The following DMD variants were observed in gnomAD, a reference collection of about 807,000 sequenced individuals.
The protein encoded by DMD is dystrophin.
DMD carries 63 observed loss-of-function variants against 330.1 expected under a neutral mutation model. The observed-to-expected ratio is 0.19, with a 90% CI of 0.16 to 0.24. The LOEUF is 0.24. Ranked by LOEUF, DMD falls within the 10% of genes least tolerant of loss-of-function variation. DMD has a pLI of 1.00. For synonymous variants in DMD, 1,223 were observed against 959.8 expected, an observed-to-expected ratio of 1.27 and a Z score of -5.07; for missense variants, 3,344 against 2,684.1, an observed-to-expected ratio of 1.25 and a Z score of -5.43.
chrX:32,279,748 T>C (rs1435469951), intron 43 of DMD, among the ~76,000 whole-genome samples: 2 of 109,625 alleles, frequency 1.8e-5, no homozygotes, highest in Non-Finnish European at 3.8e-5. Context: ...CCACCTACTA[T>C]TTGCTAGCAC....
At chrX:32,330,776 G>C (rs1368589639) in intron 41 of DMD, among the ~76,000 whole-genome samples, 1 of 111,101 alleles carries the variant, frequency 9.0e-6, no homozygotes, top group South Asian at 3.7e-4. Flanking sequence ...TTTATTCAAT[G>C]AAAGAAATAC....
chrX:32,815,607 G>A (rs1025938980), intron 6 of DMD, among the ~76,000 whole-genome samples: 10 of 106,394 alleles, frequency 9.4e-5, no homozygotes, highest in Non-Finnish European at 1.9e-4. Context: ...ATCTCTAAGT[G>A]TATGTGTACA....
At chrX:33,335,914 C>T (rs192295756) in intron 1 of DMD, among the ~76,000 whole-genome samples, 19 of 111,038 alleles carry the variant, frequency 1.7e-4, no homozygotes, top group Admixed American at 1.3e-3. Flanking sequence ...ATATGGGCAT[C>T]ATAAAAATCT....
intron 1 of DMD, among the ~76,000 whole-genome samples, chrX:33,093,854 A>G (rs1368995456): frequency 9.0e-6 from 1 of 111,563 alleles, no homozygotes; most frequent in Non-Finnish European, 1.9e-5. Context: ...ATATATAGAT[A>G]TAAAATAAAG....
chrX:31,514,730 A>C (rs915456113), intron 55 of DMD, among the ~76,000 whole-genome samples: 2 of 112,603 alleles, frequency 1.8e-5, no homozygotes, highest in Middle Eastern at 4.2e-3. Context: ...TGTGGAAATC[A>C]GATGTTAGAA....
chrX:31,993,137 A>G (rs758218956), intron 44 of DMD, among the ~76,000 whole-genome samples: 6 of 111,560 alleles, frequency 5.4e-5, no homozygotes, highest in Non-Finnish European at 1.1e-4. Context: ...TCAAAATTTA[A>G]TATGGTACAG....
chrX:32,818,900 T>G (rs1387994178), intron 5 of DMD, among the ~76,000 whole-genome samples: 1 of 110,694 alleles, frequency 9.0e-6, no homozygotes, highest in Non-Finnish European at 1.9e-5. Flanking sequence ...GGGGTCATCC[T>G]AGCTGCAAGT....
intron 2 of DMD, among the ~76,000 whole-genome samples, chrX:32,892,723 C>T (rs2085334396): frequency 8.9e-6 from 1 of 111,846 alleles, no homozygotes; most frequent in Admixed American, 9.5e-5. Flanking sequence ...TAACATTACA[C>T]ACCAAGTATT....
chrX:31,972,052 A>C (rs1296852608), intron 44 of DMD, among the ~76,000 whole-genome samples: 1 of 111,811 alleles, frequency 8.9e-6, no homozygotes, highest in Non-Finnish European at 1.9e-5. Context: ...AAAAGCCCAG[A>C]ATTCCATTCT....
At chrX:31,858,543 C>T (rs2093652278) in intron 48 of DMD, among the ~76,000 whole-genome samples, 1 of 108,752 alleles carries the variant, frequency 9.2e-6, no homozygotes, top group African/African-American at 3.3e-5. Flanking sequence ...AGTGAAATAG[C>T]TTTATTTAAA....
Position 32,145,914 on chromosome X carries a change from G to A in DMD, c.6438+71002C>T, listed in dbSNP as rs752600540. ...TAGGATTATAGGAGCAAGACGTCAAGATATTTATTAACCATACTAATTTTT... is the reference window on the plus strand; with the variant it reads ...TAGGATTATAGGAGCAAGACGTCAAAATATTTATTAACCATACTAATTTTT... On this transcript the variant is annotated intron_variant, in intron 44 of 78. Transcript: ENST00000357033. Among the ~76,000 whole-genome samples, 3 of 111,902 alleles carry A rather than the reference G, an allele frequency of 2.7e-5. No homozygotes were observed. In the South Asian group the frequency reaches 1.1e-3, roughly 41 times the overall value.
chrX:31,728,658 C>G (rs1002511211), intron 52 of DMD, among the ~76,000 whole-genome samples: 1 of 111,661 alleles, frequency 9.0e-6, no homozygotes, highest in African/African-American at 3.3e-5. Context: ...TATAGACTCT[C>G]ATGGTTTCCG....
intron 43 of DMD, among the ~76,000 whole-genome samples, chrX:32,280,175 A>G (rs1258786180): frequency 1.1e-4 from 3 of 27,865 alleles, no homozygotes; most frequent in African/African-American, 2.4e-4. Flanking sequence ...GTATATATAT[A>G]TATATATATA....
chrX:32,771,221 G>C (rs1177487179), intron 7 of DMD, among the ~76,000 whole-genome samples: 1 of 111,567 alleles, frequency 9.0e-6, no homozygotes, highest in Non-Finnish European at 1.9e-5. Flanking sequence ...CAAATCTTTT[G>C]GACTACATCT....
chrX:31,350,624 TGTGTGTGTGAGA>T (rs1476487185), intron 60 of DMD, among the ~76,000 whole-genome samples: 24 of 48,272 alleles, frequency 5.0e-4, no homozygotes, highest in African/African-American at 2.1e-3. Flanking sequence ...TGTGTGTGTG[TGTGTGTGTGAGA>T]GAGAGAGAGA....
At chrX:32,828,356 T>C (rs746484015) in intron 4 of DMD, among the ~76,000 whole-genome samples, 1 of 110,780 alleles carries the variant, frequency 9.0e-6, no homozygotes, top group East Asian at 2.9e-4. Context: ...TCACCACACC[T>C]GGCCAATATC....
chrX:32,639,701 G>A (rs1264966407), intron 11 of DMD, among the ~76,000 whole-genome samples: 3 of 111,986 alleles, frequency 2.7e-5, no homozygotes, highest in Non-Finnish European at 3.8e-5. Context: ...AGAAAGAAAG[G>A]AGGAAGTATC....
At chrX:32,837,254 C>T (rs2079731537) in intron 4 of DMD, among the ~76,000 whole-genome samples, 1 of 112,049 alleles carries the variant, frequency 8.9e-6, no homozygotes, top group South Asian at 3.7e-4. Context: ...TTCTTCACCT[C>T]TTCTTTGTAT....
chrX:32,429,387 G>GTTTTTTTTTTTTTTTTTTTTTT lies in DMD; in HGVS notation c.4071+8832_4071+8853dup, dbSNP rs10692022. ...ACCAAGCCTGGATACTTTTTTTTGG[G>GTTTTTTTTTTTTTTTTTTTTTT]TTTTTTTTTTTTTTTTTTTTTTTTG... On this transcript the variant is annotated intron_variant, in intron 29 of 78. Transcript: ENST00000357033. 1.2e-3 allele frequency among the ~76,000 whole-genome samples: 53 copies of GTTTTTTTTTTTTTTTTTTTTTT among 44,200 alleles called. 7 individuals are homozygous for GTTTTTTTTTTTTTTTTTTTTTT. Among genetic ancestry groups the GTTTTTTTTTTTTTTTTTTTTTT allele is most frequent in the African/African-American group, 2.4e-3 (22 of 9,043 alleles). 38.4% of individuals were successfully genotyped at this position (44,200 alleles called of 115,157 possible).
Sources: gnomAD v4.1 joint callset for allele counts (sites outside exome capture counted in the v4.1 genomes callset) on GRCh38, gnomAD v4.1.1 for gene constraint, MANE v1.5 for transcripts, NCBI Gene and HGNC (gene_info 2026-07-23, HGNC 2026-07-21) for gene names.